ARK2N: variants seen among roughly 807,000 people sequenced by gnomAD.
ARK2N encodes protein ARK2N.
the ARK2N span, among the ~76,000 whole-genome samples, chr18:46,209,883 C>T: frequency 6.6e-5 from 10 of 152,098 alleles, no homozygotes; most frequent in Admixed American, 2.0e-4. Flanking sequence ...CGTGAGCCAC[C>T]GTGCCTGGCC....
At chr18:46,221,430 C>T in the ARK2N span, among the ~76,000 whole-genome samples, 3 of 150,010 alleles carry the variant, frequency 2.0e-5, no homozygotes, top group Non-Finnish European at 4.4e-5. Context: ...TGTGGTGGCG[C>T]GCGTCTGTAG....
the ARK2N span, among the ~76,000 whole-genome samples, chr18:46,249,135 C>T: frequency 6.6e-6 from 1 of 152,220 alleles, no homozygotes; most frequent in Non-Finnish European, 1.5e-5. Flanking sequence ...ATCACTTTGT[C>T]ACAGAGTTAA....
At chr18:46,183,842 G>C in the ARK2N span, among the ~76,000 whole-genome samples, 64 of 152,174 alleles carry the variant, frequency 4.2e-4, no homozygotes, top group African/African-American at 1.5e-3. Flanking sequence ...ATTTTTTTCT[G>C]AGTTAGAGTC....
chr18:46,221,961 C>CT, the ARK2N span, among the ~76,000 whole-genome samples: 1 of 152,216 alleles, frequency 6.6e-6, no homozygotes, highest in South Asian at 2.1e-4. Flanking sequence ...TAACAAAACA[C>CT]TGACACAGAA....
the ARK2N span, chr18:46,240,280 T>A: frequency 7.7e-5 from 105 of 1,363,526 alleles, no homozygotes; most frequent in Middle Eastern, 2.0e-4. Flanking sequence ...GGAGAACAGG[T>A]CATACCAGAG....
At chr18:46,216,744 C>A in the ARK2N span, 151 of 692,324 alleles carry the variant, frequency 2.2e-4, no homozygotes, top group Non-Finnish European at 3.2e-4. This position sits in a 1 kb window ranked among gnomAD's most constrained non-coding sequence, Gnocchi z 4.3. Context: ...AAGACATGGC[C>A]AATTTATAAA....
chr18:46,237,462 A>T, the ARK2N span, among the ~76,000 whole-genome samples: 3 of 147,760 alleles, frequency 2.0e-5, no homozygotes, highest in African/African-American at 7.6e-5. Context: ...ATCTCGGCTC[A>T]CTGCTACCTC....
the ARK2N span, among the ~76,000 whole-genome samples, chr18:46,186,351 A>G: frequency 6.6e-6 from 1 of 151,780 alleles, no homozygotes; most frequent in Non-Finnish European, 1.5e-5. Context: ...GCACGCCACT[A>G]TGCCCACCTA....
chr18:46,246,506 G>A, the ARK2N span, among the ~76,000 whole-genome samples: 1 of 152,130 alleles, frequency 6.6e-6, no homozygotes, highest in Non-Finnish European at 1.5e-5. Flanking sequence ...TTTATCTAAG[G>A]CTCTGACAGG....
At chr18:46,184,665 T>A in the ARK2N span, among the ~76,000 whole-genome samples, 10 of 152,160 alleles carry the variant, frequency 6.6e-5, no homozygotes, top group Admixed American at 1.3e-4. Context: ...AAGGCTGCAA[T>A]GAGCTGTGAT....
the ARK2N span, among the ~76,000 whole-genome samples, chr18:46,202,413 A>G: frequency 6.6e-6 from 1 of 152,228 alleles, no homozygotes; most frequent in African/African-American, 2.4e-5. Context: ...TGTAGTTAGC[A>G]TGAGCTAGGC....
At chr18:46,238,374 C>T in the ARK2N span, among the ~76,000 whole-genome samples, 2 of 152,204 alleles carry the variant, frequency 1.3e-5, no homozygotes. Context: ...GGACATCACA[C>T]AGTATCTTGA....
chr18:46,221,121 G>A, the ARK2N span, among the ~76,000 whole-genome samples: 1 of 147,776 alleles, frequency 6.8e-6, no homozygotes, highest in Non-Finnish European at 1.5e-5. Context: ...GGGTGACAGA[G>A]CGAGACTCTG....
the ARK2N span, among the ~76,000 whole-genome samples, chr18:46,209,290 C>CT: frequency 0.44 from 60,428 of 138,576 alleles, 13,289 homozygotes; most frequent in East Asian, 0.77. Context: ...TACTTCTCCA[C>CT]TTTTTTTTTT....
At chr18:46,195,559 CTTT>C in the ARK2N span, among the ~76,000 whole-genome samples, 313 of 72,532 alleles carry the variant, frequency 4.3e-3, no homozygotes, top group African/African-American at 0.017. Flanking sequence ...CCCACATAAA[CTTT>C]TTTTTTTTTT....
chr18:46,204,160 T>C, the ARK2N span, among the ~76,000 whole-genome samples: 2 of 151,936 alleles, frequency 1.3e-5, no homozygotes, highest in Admixed American at 1.3e-4. Flanking sequence ...TTATATAAAG[T>C]GAAAGACTGC....
the ARK2N span, among the ~76,000 whole-genome samples, chr18:46,241,664 G>T: frequency 6.6e-6 from 1 of 151,952 alleles, no homozygotes; most frequent in African/African-American, 2.4e-5. Context: ...GGCAGAGGTT[G>T]CAGTGAGCTA....
the ARK2N span, chr18:46,253,961 T>G: frequency 9.8e-7 from 1 of 1,025,016 alleles, no homozygotes; most frequent in Admixed American, 2.9e-5. Context: ...TTTGTTTTGT[T>G]TAAGAAACAC....
the ARK2N span, among the ~76,000 whole-genome samples, chr18:46,236,950 G>A: frequency 6.7e-6 from 1 of 150,262 alleles, no homozygotes; most frequent in Non-Finnish European, 1.5e-5. Flanking sequence ...TGCAACCTCC[G>A]CCTCCTGGGT....
Sources: gnomAD v4.1 joint callset for allele counts (sites outside exome capture counted in the v4.1 genomes callset) on GRCh38, gnomAD v4.1.1 for gene constraint, Gnocchi (gnomAD v3.1) non-coding constraint, MANE v1.5 for transcripts, NCBI Gene and HGNC (gene_info 2026-07-23, HGNC 2026-07-21) for gene names.